Variants in ENOX1 observed in about 807,000 individuals in gnomAD.
ENOX1 encodes the protein ecto-NOX disulfide-thiol exchanger 1.
ENOX1 carries 42 observed loss-of-function variants against 82.5 expected under a neutral mutation model. The ratio of observed to expected loss-of-function variants is 0.51; its 90% CI spans 0.40 to 0.66. ENOX1 has a LOEUF of 0.66. Ranked by LOEUF, ENOX1 falls within the 30% of genes least tolerant of loss-of-function variation. The pLI is 0.00. For missense variants in ENOX1, 608 were observed against 811.6 expected, an observed-to-expected ratio of 0.75 and a Z score of 3.05; for synonymous variants, 271 against 282.2, an observed-to-expected ratio of 0.96 and a Z score of 0.40.
chr13:43,295,390 A>T (rs112422439), intron 12 of ENOX1, among the ~76,000 whole-genome samples: 1,682 of 152,334 alleles, frequency 0.011, 18 homozygotes, highest in South Asian at 0.024. Flanking sequence ...GGAAACTTCC[A>T]GACAAAGTCA....
chr13:43,513,466 A>G (rs889382139), intron 2 of ENOX1, among the ~76,000 whole-genome samples: 1 of 152,100 alleles, frequency 6.6e-6, no homozygotes, highest in African/African-American at 2.4e-5. Flanking sequence ...TCACTCTTCT[A>G]TGATCATTTA....
chr13:43,332,476 G>T (rs1389926308), intron 9 of ENOX1, among the ~76,000 whole-genome samples: 2 of 152,116 alleles, frequency 1.3e-5, no homozygotes, highest in Non-Finnish European at 2.9e-5. Context: ...CTGGCCCAGG[G>T]GCTGGGGACC....
At chr13:43,324,998 A>C (rs1192786719) in intron 10 of ENOX1, among the ~76,000 whole-genome samples, 2 of 152,244 alleles carry the variant, frequency 1.3e-5, no homozygotes, top group East Asian at 3.8e-4. Flanking sequence ...ATGTGAAAAA[A>C]TAAATAATTC....
At chr13:43,360,251 T>C (rs554390252) in intron 6 of ENOX1, among the ~76,000 whole-genome samples, 194 bp from the exon 7 acceptor site, 9 of 152,212 alleles carry the variant, frequency 5.9e-5, no homozygotes, top group Admixed American at 1.3e-4. Context: ...CTTTACTTTC[T>C]GTGTTCATTG....
At chr13:43,688,650 T>C (rs1314894256) in intron 1 of ENOX1, among the ~76,000 whole-genome samples, 1 of 152,182 alleles carries the variant, frequency 6.6e-6, no homozygotes, top group Admixed American at 6.5e-5. Context: ...TGCCAACTCC[T>C]GGATTAAATG....
intron 2 of ENOX1, among the ~76,000 whole-genome samples, chr13:43,665,495 C>T (rs968401882): frequency 3.9e-5 from 6 of 151,976 alleles, no homozygotes; most frequent in African/African-American, 1.5e-4. Context: ...AGATTAAAGC[C>T]AGAGAAGAGA....
chr13:43,592,575 G>A (rs2081292147), intron 2 of ENOX1, among the ~76,000 whole-genome samples: 1 of 152,064 alleles, frequency 6.6e-6, no homozygotes, highest in South Asian at 2.1e-4. Flanking sequence ...AGTTTGGTTG[G>A]ATTTTCAATG....
chr13:43,680,758 C>A (rs1043968643), intron 1 of ENOX1, among the ~76,000 whole-genome samples: 11 of 152,162 alleles, frequency 7.2e-5, no homozygotes, highest in African/African-American at 2.4e-4. Flanking sequence ...AGTATCATCC[C>A]TGTGAACATA....
chr13:43,434,939 T>TGG (rs2055913686), intron 3 of ENOX1, among the ~76,000 whole-genome samples: 1 of 9,226 alleles, frequency 1.1e-4, no homozygotes, highest in East Asian at 1.9e-3. Flanking sequence ...TGTGTGTGGT[T>TGG]TTTTTTTTTT....
rs577994327 is a variant in ENOX1 at position 43,603,978 on chromosome 13, G to A, written c.-219+63501C>T. 1.2e-3 allele frequency among the ~76,000 whole-genome samples: 168 copies of A among 135,956 alleles called. 2 individuals are homozygous for A. Among genetic ancestry groups the A allele is most frequent in the Non-Finnish European group, 2.3e-3 (146 of 64,274 alleles). 89.2% of individuals were successfully genotyped at this position (135,956 alleles called of 152,430 possible). On this transcript the variant is annotated intron_variant, in intron 2 of 16. Coordinates refer to ENST00000690772, the MANE Select transcript of ENOX1 (RefSeq NM_001347969.2). Reference sequence around the variant, plus strand: ...GAATTGCCACACTGACTTCCACAATGGTTGAACTAGTTTACAGTCCCACCA... The same window carrying A: ...GAATTGCCACACTGACTTCCACAATAGTTGAACTAGTTTACAGTCCCACCA...
rs1054390130 is a variant in ENOX1 at position 43,588,339 on chromosome 13, C to G, written c.-219+79140G>C. On this transcript the variant is annotated intron_variant, in intron 2 of 16. Transcript: ENST00000690772. ...TTAGTGCATTCAATCACTATAAGATCAAAAAAGTCACATTACTCTTTAAGA... is the reference window on the plus strand; with the variant it reads ...TTAGTGCATTCAATCACTATAAGATGAAAAAAGTCACATTACTCTTTAAGA... Among the ~76,000 whole-genome samples the G allele has an allele frequency of 4.6e-5, 7 of 152,070 alleles. No individual in the cohort carries two copies. In the East Asian group the frequency reaches 5.8e-4, roughly 13 times the overall value.
intron 8 of ENOX1, among the ~76,000 whole-genome samples, chr13:43,346,636 T>G (rs1395251081): frequency 6.6e-6 from 1 of 152,222 alleles, no homozygotes; most frequent in Admixed American, 6.5e-5. Flanking sequence ...TTATCTCATT[T>G]CATGGACCGA....
intron 3 of ENOX1, among the ~76,000 whole-genome samples, chr13:43,415,157 T>A (rs914547026): frequency 6.7e-6 from 1 of 148,980 alleles, no homozygotes; most frequent in Non-Finnish European, 1.5e-5. Context: ...ATGTGGTGTA[T>A]AAACCTAGAT....
intron 1 of ENOX1, among the ~76,000 whole-genome samples, chr13:43,697,411 A>G (rs1476172644): frequency 3.3e-5 from 5 of 152,224 alleles, no homozygotes; most frequent in Non-Finnish European, 5.9e-5. Context: ...AGGGCTTGGG[A>G]AACTGACCAA....
At chr13:43,263,620 T>C (rs1372423581) in intron 14 of ENOX1, among the ~76,000 whole-genome samples, 1 of 152,260 alleles carries the variant, frequency 6.6e-6, no homozygotes, top group Non-Finnish European at 1.5e-5. Context: ...GATCAATTTA[T>C]AATCAAAACA....
At chr13:43,648,883 T>C (rs2084020995) in intron 2 of ENOX1, among the ~76,000 whole-genome samples, 2 of 152,206 alleles carry the variant, frequency 1.3e-5, no homozygotes, top group African/African-American at 4.8e-5. Context: ...GACGGCTACA[T>C]TGCTGTTACT....
intron 8 of ENOX1, among the ~76,000 whole-genome samples, chr13:43,354,409 A>G (rs879541844): frequency 1.9e-4 from 29 of 152,038 alleles, no homozygotes; most frequent in Admixed American, 6.5e-4. Flanking sequence ...GCAGTTGATT[A>G]AGGATTCTCA....
intron 2 of ENOX1, among the ~76,000 whole-genome samples, chr13:43,601,644 A>C (rs2081727194): frequency 6.6e-6 from 1 of 152,184 alleles, no homozygotes; most frequent in Non-Finnish European, 1.5e-5. Flanking sequence ...ATCCAAAGGG[A>C]TAATAACACA....
chr13:43,513,855 T>C (rs1305285826), intron 2 of ENOX1, among the ~76,000 whole-genome samples: 1 of 152,106 alleles, frequency 6.6e-6, no homozygotes, highest in African/African-American at 2.4e-5. Context: ...TAAAAAACAA[T>C]ATAGGTTTCA....
Sources: allele counts gnomAD v4.1 joint callset (sites outside exome capture counted in the v4.1 genomes callset), GRCh38; gene constraint gnomAD v4.1.1; transcripts MANE v1.5; gene names NCBI Gene and HGNC (gene_info 2026-07-23, HGNC 2026-07-21).